The following USP34 variants were observed in gnomAD, a reference collection of about 807,000 sequenced individuals.
USP34 encodes ubiquitin carboxyl-terminal hydrolase 34.
In USP34, 70 loss-of-function variants were observed where a neutral mutation model predicts 460.3. The ratio of observed to expected loss-of-function variants is 0.15; its 90% CI spans 0.13 to 0.19. The LOEUF is 0.19. Ranked by LOEUF, USP34 falls within the 10% of genes least tolerant of loss-of-function variation. USP34 has a pLI of 1.00. For missense variants in USP34, 3,985 were observed against 4,236.2 expected (o/e 0.94, Z 1.65); for synonymous variants, 1,647 against 1,405.3 (o/e 1.17, Z -3.85).
chr2:61,310,639 C>A (rs1690561676), intron 27 of USP34, among the ~76,000 whole-genome samples: 1 of 149,130 alleles, frequency 6.7e-6, no homozygotes, highest in African/African-American at 2.5e-5. Flanking sequence ...AGATATATAC[C>A]TATAAAAGAT....
intron 51 of USP34, among the ~76,000 whole-genome samples, chr2:61,243,440 C>A (rs919603567): frequency 2.6e-5 from 4 of 152,002 alleles, no homozygotes; most frequent in Admixed American, 2.6e-4. Context: ...AGCCACCATG[C>A]CCGGCCTCAA....
At chr2:61,257,768 G>A (rs1173155352) in intron 44 of USP34, among the ~76,000 whole-genome samples, 1 of 152,018 alleles carries the variant, frequency 6.6e-6, no homozygotes, top group Non-Finnish European at 1.5e-5. Context: ...CTAGCTGGGT[G>A]CGGTTGCGCA....
At chr2:61,458,363 G>A (rs1302585296) in intron 1 of USP34, among the ~76,000 whole-genome samples, 1 of 151,488 alleles carries the variant, frequency 6.6e-6, no homozygotes, top group Non-Finnish European at 1.5e-5. Context: ...GAGTTCAAGA[G>A]AAGCCTGGCC....
chr2:61,442,418 A>G (rs1694991409), intron 1 of USP34, among the ~76,000 whole-genome samples: 1 of 148,134 alleles, frequency 6.8e-6, no homozygotes, highest in South Asian at 2.1e-4. Context: ...AAAAAAAAAA[A>G]AAAGAAAAAA....
intron 53 of USP34, among the ~76,000 whole-genome samples, chr2:61,237,079 T>C (rs904596443): frequency 3.3e-5 from 5 of 152,146 alleles, no homozygotes; most frequent in African/African-American, 1.2e-4. Flanking sequence ...CCTCTTTGCC[T>C]CTCCAGCCCA....
At chr2:61,279,350 A>G (rs968143129) in intron 39 of USP34, among the ~76,000 whole-genome samples, 1 of 152,160 alleles carries the variant, frequency 6.6e-6, no homozygotes, top group African/African-American at 2.4e-5. Flanking sequence ...ATTTCAAAGG[A>G]TCTTCTTTAT....
chr2:61,419,451 C>G (rs1443380088), intron 2 of USP34, among the ~76,000 whole-genome samples: 2 of 152,114 alleles, frequency 1.3e-5, no homozygotes, highest in African/African-American at 4.8e-5. Flanking sequence ...TGAAAATCTC[C>G]TTTATAATTT....
At chr2:61,282,259 C>T (rs1392888450) in intron 37 of USP34, among the ~76,000 whole-genome samples, 4 of 152,048 alleles carry the variant, frequency 2.6e-5, no homozygotes, top group African/African-American at 7.2e-5. Flanking sequence ...TGATTACAGG[C>T]GTGAGCCACA....
chr2:61,435,320 A>AAAAAAAAAC (rs1558592638), intron 1 of USP34, among the ~76,000 whole-genome samples: 1 of 150,098 alleles, frequency 6.7e-6, no homozygotes, highest in African/African-American at 2.4e-5. Context: ...AAAAAAAAAA[A>AAAAAAAAAC]AAAAAAAAAG....
intron 21 of USP34, among the ~76,000 whole-genome samples, chr2:61,322,804 C>G (rs1186342250): frequency 6.6e-6 from 1 of 151,784 alleles, no homozygotes; most frequent in African/African-American, 2.4e-5. Context: ...ATAAATAAAC[C>G]CAAAACAATT....
intron 41 of USP34, among the ~76,000 whole-genome samples, chr2:61,273,198 A>G (rs1689268429): frequency 6.6e-6 from 1 of 152,236 alleles, no homozygotes; most frequent in Non-Finnish European, 1.5e-5. Context: ...AATCTTCTAA[A>G]TAAAAAACAT....
intron 29 of USP34, among the ~76,000 whole-genome samples, chr2:61,299,033 C>T (rs986137512): frequency 1.3e-5 from 2 of 151,920 alleles, no homozygotes; most frequent in African/African-American, 2.4e-5. Flanking sequence ...ATACATGGAA[C>T]AGAACACCAG....
chr2:61,294,333 G>A (rs760253193), intron 32 of USP34, among the ~76,000 whole-genome samples: 4 of 143,170 alleles, frequency 2.8e-5, no homozygotes, highest in East Asian at 2.0e-4. Context: ...GTGACAGAGC[G>A]AGACTCCATT....
chr2:61,431,181 G>C (rs1017066704), intron 1 of USP34, among the ~76,000 whole-genome samples: 2 of 152,076 alleles, frequency 1.3e-5, no homozygotes, highest in Non-Finnish European at 2.9e-5. Context: ...TAGTACTGCA[G>C]GATGACTATT....
At chr2:61,214,841 TC>T in intron 67 of USP34, 147 bp from the exon 68 acceptor site, 1 of 945,648 alleles carries the variant, frequency 1.1e-6, no homozygotes, top group Non-Finnish European at 1.5e-6. Flanking sequence ...CTTTCTGCTT[TC>T]CCCTTGGCCC....
intron 27 of USP34, among the ~76,000 whole-genome samples, chr2:61,303,986 C>A (rs889983268): frequency 1.3e-5 from 2 of 152,180 alleles, no homozygotes; most frequent in African/African-American, 2.4e-5. Flanking sequence ...ACACCTCCAC[C>A]TCCTGGGCTT....
intron 1 of USP34, among the ~76,000 whole-genome samples, chr2:61,467,763 G>A (rs947076567): frequency 8.6e-5 from 13 of 151,338 alleles, no homozygotes; most frequent in Non-Finnish European, 1.8e-4. Flanking sequence ...TGGGACTACA[G>A]ATGCCTACAC....
intron 51 of USP34, among the ~76,000 whole-genome samples, chr2:61,242,314 C>A (rs187504871): frequency 1.1e-3 from 167 of 152,196 alleles, no homozygotes; most frequent in African/African-American, 3.9e-3. Flanking sequence ...TAATTTTGAA[C>A]CTCAAAGTTG....
At chr2:61,424,524 T>C (rs922481779) in intron 1 of USP34, among the ~76,000 whole-genome samples, 4 of 152,170 alleles carry the variant, frequency 2.6e-5, no homozygotes, top group Non-Finnish European at 5.9e-5. Flanking sequence ...GAAAAAGTTG[T>C]AGAGATTTGT....
Sources: allele counts gnomAD v4.1 joint callset (sites outside exome capture counted in the v4.1 genomes callset), GRCh38; gene constraint gnomAD v4.1.1; transcripts MANE v1.5; gene names NCBI Gene and HGNC (gene_info 2026-07-23, HGNC 2026-07-21).